Variants in NCKAP5 observed in about 807,000 individuals in gnomAD.
NCKAP5 encodes the protein NCK associated protein 5.
NCKAP5 carries 92 observed loss-of-function variants against 167.0 expected under a neutral mutation model. The ratio of observed to expected loss-of-function variants is 0.55; its 90% CI spans 0.47 to 0.66. NCKAP5 has a LOEUF of 0.66. Ranked by LOEUF, NCKAP5 falls within the 30% of genes least tolerant of loss-of-function variation. The pLI is 0.00. For synonymous variants in NCKAP5, 891 were observed against 877.4 expected (o/e 1.02, Z -0.27); for missense variants, 2,378 against 2,315.0 (o/e 1.03, Z -0.56).
At chr2:132,808,552 G>T (rs1049600089) in intron 11 of NCKAP5, among the ~76,000 whole-genome samples, 2 of 152,072 alleles carry the variant, frequency 1.3e-5, no homozygotes, top group Admixed American at 6.6e-5. Flanking sequence ...GTGCGTAAAT[G>T]TGTTTACAGC....
At chr2:133,173,067 G>A (rs1312694507) in intron 5 of NCKAP5, among the ~76,000 whole-genome samples, 1 of 152,160 alleles carries the variant, frequency 6.6e-6, no homozygotes, top group Non-Finnish European at 1.5e-5. Flanking sequence ...GGAGCACTGA[G>A]GGCTGCATCC....
At chr2:133,636,155 A>G in the NCKAP5 span, among the ~76,000 whole-genome samples, 2 of 152,228 alleles carry the variant, frequency 1.3e-5, no homozygotes, top group Non-Finnish European at 2.9e-5. Flanking sequence ...AAAACTATCA[A>G]AGATTTTCCA....
chr2:133,296,362 A>G (rs1441322155), intron 4 of NCKAP5, among the ~76,000 whole-genome samples: 1 of 142,346 alleles, frequency 7.0e-6, no homozygotes, highest in Admixed American at 6.8e-5. Flanking sequence ...CCGCCAAACT[A>G]TCTTTTAAAA....
intron 3 of NCKAP5, among the ~76,000 whole-genome samples, chr2:133,504,857 CT>C (rs964879558): frequency 7.2e-5 from 11 of 152,070 alleles, no homozygotes; most frequent in African/African-American, 1.7e-4. Context: ...CCCTCTGAGT[CT>C]TTTTTCCCCC....
At position 133,130,130 on chromosome 2, in the gene NCKAP5, G is replaced by A. The variant is rs748841786; in HGVS notation, c.208-19C>T. The A allele has an allele frequency of 5.6e-6, 9 of 1,596,982 alleles. No homozygotes were observed. The highest frequency in any genetic ancestry group is 7.7e-6 in the Non-Finnish European group (9 of 1,175,186). On this transcript the variant is annotated intron_variant, in intron 5 of 19. Coordinates refer to ENST00000409261, the MANE Select transcript of NCKAP5 (RefSeq NM_207363.3). ...TCTCATGCTATAAAAGACACAAAGG[G>A]GATGACTTTTAGGAAGGTGTTTATG... is the stretch of plus-strand genomic sequence containing the variant.
chr2:132,723,353 G>A lies in NCKAP5; in HGVS notation c.5713+2274C>T, dbSNP rs111633512. ...TAATTTTTGTATTTTTAGTAGAGAC[G>A]GGGTTTCACCGTGTTAGCCTGGTTG... On this transcript the variant is annotated intron_variant, in intron 19 of 19. Coordinates refer to ENST00000409261, the MANE Select transcript of NCKAP5 (RefSeq NM_207363.3). 4.3e-3 allele frequency among the ~76,000 whole-genome samples: 648 copies of A among 151,576 alleles called. 1 individual carries two copies. Among genetic ancestry groups the A allele is most frequent in the Middle Eastern group, 0.01 (3 of 294 alleles).
intron 19 of NCKAP5, among the ~76,000 whole-genome samples, chr2:132,719,847 G>C (rs1029795886): frequency 3.3e-5 from 5 of 152,226 alleles, no homozygotes; most frequent in African/African-American, 9.6e-5. Flanking sequence ...GAGACATTCA[G>C]TGAAGACAGA....
In NCKAP5 at chr2:132,757,601, C is replaced by T. The variant is rs536345090; in HGVS notation, c.5128+16215G>A. On this transcript the variant is annotated intron_variant, in intron 16 of 19. Coordinates refer to ENST00000409261, the MANE Select transcript of NCKAP5 (RefSeq NM_207363.3). ...TTCATCTCCACAATTTGCCACAGTC[C>T]TCACCCAATTTATCATTCTAGCATT... is the stretch of plus-strand genomic sequence containing the variant. 2.6e-5 allele frequency among the ~76,000 whole-genome samples: 4 copies of T among 152,310 alleles called. No individual in the cohort carries two copies. In the South Asian group the frequency reaches 8.3e-4, roughly 32 times the overall value.
intron 11 of NCKAP5, among the ~76,000 whole-genome samples, chr2:132,846,818 G>A (rs1306807952): frequency 6.6e-6 from 1 of 152,150 alleles, no homozygotes; most frequent in Non-Finnish European, 1.5e-5. Context: ...ATTAGCTTCA[G>A]GAATGGCTTT....
At chr2:133,440,516 C>A (rs1196637103) in intron 3 of NCKAP5, among the ~76,000 whole-genome samples, 2 of 151,834 alleles carry the variant, frequency 1.3e-5, no homozygotes, top group African/African-American at 4.8e-5. Context: ...CGAGACCATC[C>A]TGGCTAACAC....
intron 8 of NCKAP5, among the ~76,000 whole-genome samples, chr2:132,963,077 C>T (rs955405339): frequency 1.3e-5 from 2 of 152,144 alleles, no homozygotes; most frequent in African/African-American, 4.8e-5. Context: ...GAACTAGTAA[C>T]TAGAATGGTC....
At chr2:133,054,513 G>A (rs1254999276) in intron 6 of NCKAP5, among the ~76,000 whole-genome samples, 1 of 152,138 alleles carries the variant, frequency 6.6e-6, no homozygotes, top group Admixed American at 6.6e-5. Flanking sequence ...CCAAGGAACC[G>A]TGTGAGCACT....
intron 19 of NCKAP5, among the ~76,000 whole-genome samples, chr2:132,711,362 C>T (rs1436790282): frequency 6.6e-6 from 1 of 152,148 alleles, no homozygotes; most frequent in Non-Finnish European, 1.5e-5. Flanking sequence ...AATAACATAG[C>T]CAGCATCAAA....
chr2:132,857,277 C>T (rs1268903034), intron 11 of NCKAP5, among the ~76,000 whole-genome samples: 1 of 151,978 alleles, frequency 6.6e-6, no homozygotes, highest in Non-Finnish European at 1.5e-5. Flanking sequence ...ATTTGAGGAG[C>T]AGTTTGCATG....
At chr2:133,313,564 T>C (rs1681399716) in intron 3 of NCKAP5, among the ~76,000 whole-genome samples, 1 of 152,192 alleles carries the variant, frequency 6.6e-6, no homozygotes, top group Non-Finnish European at 1.5e-5. Context: ...ATATTGTTTC[T>C]ATAGCAGCTT....
intron 15 of NCKAP5, among the ~76,000 whole-genome samples, chr2:132,774,440 A>T (rs1682368009): frequency 6.6e-6 from 1 of 152,180 alleles, no homozygotes; most frequent in Non-Finnish European, 1.5e-5. Flanking sequence ...TGATGTATGT[A>T]TGATCAGTGA....
chr2:132,675,544 A>G (rs948023237), intron 19 of NCKAP5, among the ~76,000 whole-genome samples: 3 of 152,192 alleles, frequency 2.0e-5, no homozygotes, highest in Non-Finnish European at 4.4e-5. Context: ...CTACTACACC[A>G]GAAACTCTGA....
At chr2:132,958,736 T>C (rs2076415085) in intron 8 of NCKAP5, among the ~76,000 whole-genome samples, 1 of 152,184 alleles carries the variant, frequency 6.6e-6, no homozygotes, top group Non-Finnish European at 1.5e-5. Context: ...CTTGCAATGT[T>C]CTTCCTCTGA....
At position 132,781,190 on chromosome 2, in the gene NCKAP5, T is replaced by G; in HGVS notation, c.4911A>C (p.Ser1637=). The G allele has an allele frequency of 6.2e-7, 1 of 1,613,964 alleles. No individual in the cohort carries two copies. Among genetic ancestry groups the G allele is most frequent in the South Asian group, 1.1e-5 (1 of 91,072 alleles). Residue 1637 remains serine, a synonymous_variant, in exon 15 of 20, where the codon TCA becomes TCC. Coordinates refer to ENST00000409261, the MANE Select transcript of NCKAP5 (RefSeq NM_207363.3). ...KKAAPQTESG[S]SNASCRNVLK... ...ACACATTCCTGCAGGAAGCATTACT[T>G]GATCCACTTTCTGTCTGTGGAGCTG...
Sources: allele counts gnomAD v4.1 joint callset (sites outside exome capture counted in the v4.1 genomes callset), GRCh38; gene constraint gnomAD v4.1.1; transcripts MANE v1.5; gene names NCBI Gene and HGNC (gene_info 2026-07-23, HGNC 2026-07-21).